The following MAGEA1 variants were observed in gnomAD, a reference collection of about 807,000 sequenced individuals.
MAGEA1 encodes the protein melanoma-associated antigen 1.
For missense variants in MAGEA1, 182 were observed against 233.7 expected (o/e 0.78, Z 1.44); for synonymous variants, 101 against 96.7 (o/e 1.04, Z -0.26).
chrX:153,182,496 C>T lies in MAGEA1; in HGVS notation c.107C>T (p.Ser36Phe). ...VCVQAATSSS[S>F]PLVLGTLEEV... ...GTGCAGGCTGCCACCTCCTCCTCCT[C>T]TCCTCTGGTCCTGGGCACCCTGGAG... The change falls in exon 3 of 3, where the codon TCT (serine) becomes TTT (phenylalanine). Residue 36 changes from serine (S) to phenylalanine (F), a missense_variant. Coordinates refer to ENST00000356661, the MANE Select transcript of MAGEA1 (RefSeq NM_004988.5). 8.3e-7 allele frequency: 1 copy of T among 1,211,477 alleles called. No homozygotes were observed. Among genetic ancestry groups the T allele is most frequent in the Non-Finnish European group, 1.1e-6 (1 of 895,110 alleles).
In MAGEA1 at chrX:153,182,480, G is replaced by A. The variant is rs1191077612; in HGVS notation, c.91G>A (p.Ala31Thr). Residue 31 changes from alanine to threonine, a missense_variant, in exon 3 of 3, where the codon GCC (alanine) becomes ACC (threonine). Coordinates refer to ENST00000356661, the MANE Select transcript of MAGEA1 (RefSeq NM_004988.5). ...CCTGGGCCTGGTGTGTGTGCAGGCT[G>A]CCACCTCCTCCTCCTCTCCTCTGGT... ...EALGLVCVQA[A>T]TSSSSPLVLG... The A allele has an allele frequency of 8.3e-7, 1 of 1,210,828 alleles. No homozygotes were observed. The highest frequency in any genetic ancestry group is 1.1e-6 in the Non-Finnish European group (1 of 894,831).
Position 153,183,324 on chromosome X carries a change from G to A in MAGEA1, c.*5G>A, listed in dbSNP as rs1314438850. On this transcript the variant is annotated 3_prime_UTR_variant, in exon 3 of 3. Transcript: ENST00000356661. The stretch of plus-strand genomic sequence containing the variant: ...GAGGAGGAAGAGGGAGTCTGAGCAT[G>A]AGTTGCAGCCAAGGCCAGTGGGAGG... 2 of 1,199,939 alleles carry A rather than the reference G, an allele frequency of 1.7e-6. No homozygotes were observed. The highest frequency in any genetic ancestry group is 2.2e-6 in the Non-Finnish European group (2 of 889,194).
chrX:153,183,026 G>A lies in MAGEA1; in HGVS notation c.637G>A (p.Glu213Lys), dbSNP rs2051505053. 8.3e-7 allele frequency: 1 copy of A among 1,210,077 alleles called. No individual in the cohort carries two copies. The highest frequency in any genetic ancestry group is 1.7e-5 in the African/African-American group (1 of 57,143). Residue 213 changes from glutamate (E) to lysine (K), a missense_variant, in exon 3 of 3, where the codon GAA becomes AAA. Physicochemically the swap from Glu to Lys is moderately conservative, Grantham distance 56. Coordinates refer to ENST00000356661, the MANE Select transcript of MAGEA1 (RefSeq NM_004988.5). ...AMEGGHAPEEEIWEELSVMEV... is the reference protein window; with the variant it reads ...AMEGGHAPEEKIWEELSVMEV... ...GGAGGGCGGCCATGCTCCTGAGGAGGAAATCTGGGAGGAGCTGAGTGTGAT... is the reference window on the plus strand; with the variant it reads ...GGAGGGCGGCCATGCTCCTGAGGAGAAAATCTGGGAGGAGCTGAGTGTGAT...
intron 1 of MAGEA1, among the ~76,000 whole-genome samples, chrX:153,180,137 G>C (rs2051485175): frequency 9.0e-6 from 1 of 110,862 alleles, no homozygotes; most frequent in Non-Finnish European, 1.9e-5. Flanking sequence ...TGCCAGCCCT[G>C]GACCACCCGG....
chrX:153,182,125 C>T lies in MAGEA1; in HGVS notation c.-138-52C>T. 6 of 524,758 alleles carry T rather than the reference C, an allele frequency of 1.1e-5. No homozygotes were observed. The South Asian group carries it at 1.4e-4, about 12-fold the overall frequency. The allele number at this position is 524,758 out of a possible 1,213,427, so 43.2% of individuals were successfully genotyped here. A position where few individuals can be genotyped will look rare whatever the true frequency, so the allele number is the denominator to read the frequency against. ...CTCCCTACTGTCAGTCCTGTAGAAT[C>T]GACCTCTGCTGGCCGGCTGTACCCT... On this transcript the variant is annotated intron_variant, in intron 1 of 2. Coordinates refer to ENST00000356661, the MANE Select transcript of MAGEA1 (RefSeq NM_004988.5).
In MAGEA1 at chrX:153,183,846, G is replaced by T. The variant is rs1556944326; in HGVS notation, c.*527G>T. ...CCTTGGCTTCTTTGAGAATGTAAGAGAAATTAAATCTGAATAAAGAATTCT... is the reference window on the plus strand; with the variant it reads ...CCTTGGCTTCTTTGAGAATGTAAGATAAATTAAATCTGAATAAAGAATTCT... On this transcript the variant is annotated 3_prime_UTR_variant, in exon 3 of 3. Transcript: ENST00000356661. 8.2e-6 allele frequency: 1 copy of T among 122,611 alleles called. No homozygotes were observed. Among genetic ancestry groups the T allele is most frequent in the Admixed American group, 8.5e-5 (1 of 11,805 alleles). 10.1% of individuals were successfully genotyped at this position (122,611 alleles called of 1,213,427 possible).
chrX:153,181,900 G>A (rs994702988), intron 1 of MAGEA1, among the ~76,000 whole-genome samples: 3 of 111,395 alleles, frequency 2.7e-5, no homozygotes, highest in Admixed American at 9.4e-5. Context: ...CTGTGCTTGC[G>A]GTCTGCACCC....
intron 1 of MAGEA1, 109 bp from the exon 2 acceptor site, chrX:153,182,068 G>A (rs988873938): frequency 3.6e-5 from 12 of 336,628 alleles, no homozygotes; most frequent in Admixed American, 3.1e-4. Context: ...CCTGCCACAG[G>A]ACACATAGGA....
intron 2 of MAGEA1, 27 bp from the exon 3 acceptor site, chrX:153,182,298 C>A: frequency 1.0e-6 from 1 of 983,031 alleles, no homozygotes; most frequent in Non-Finnish European, 1.5e-6. Flanking sequence ...TCAGCTGAGG[C>A]CTCTCACACA....
intron 1 of MAGEA1, among the ~76,000 whole-genome samples, chrX:153,179,973 C>A (rs1401044871): frequency 1.8e-5 from 2 of 109,399 alleles, no homozygotes; most frequent in African/African-American, 6.8e-5. Context: ...CTGAGAGAAG[C>A]CAGGTTCATT....
chrX:153,181,711 C>T (rs1321809787), intron 1 of MAGEA1, among the ~76,000 whole-genome samples: 1 of 111,908 alleles, frequency 8.9e-6, no homozygotes, highest in Non-Finnish European at 1.9e-5. Context: ...TCCTTCCATT[C>T]CTTATCATGG....
At position 153,183,251 on chromosome X, in the gene MAGEA1, G is replaced by C. The variant is rs1459904286; in HGVS notation, c.862G>C (p.Ala288Pro). The change falls in exon 3 of 3, where the codon GCA (alanine) becomes CCA (proline). Residue 288 changes from alanine to proline, a missense_variant. By Grantham distance (27) the Ala-to-Pro change is conservative. Transcript: ENST00000356661. The stretch of plus-strand genomic sequence containing the variant: ...CCTTGAGTATGTGATCAAGGTCAGT[G>C]CAAGAGTTCGCTTTTTCTTCCCATC... ...KVLEYVIKVS[A>P]RVRFFFPSLR... 1 of 1,210,652 alleles carries C rather than the reference G, an allele frequency of 8.3e-7. No individual in the cohort carries two copies. The highest frequency in any genetic ancestry group is 1.7e-5 in the African/African-American group (1 of 57,382).
rs2008160 is a variant in MAGEA1, at chrX:153,182,483, A to G, written c.94A>G (p.Thr32Ala). Reference sequence around the variant, plus strand: ...GGGCCTGGTGTGTGTGCAGGCTGCCACCTCCTCCTCCTCTCCTCTGGTCCT... The same window carrying G: ...GGGCCTGGTGTGTGTGCAGGCTGCCGCCTCCTCCTCCTCTCCTCTGGTCCT... The part of the protein sequence containing the change: ...ALGLVCVQAA[T>A]SSSSPLVLGT... The change falls in exon 3 of 3, where the codon ACC becomes GCC. Residue 32 changes from threonine to alanine, a missense_variant. Physicochemically the swap from Thr to Ala is moderately conservative, Grantham distance 58. Coordinates refer to ENST00000356661, the MANE Select transcript of MAGEA1 (RefSeq NM_004988.5). 0.21 allele frequency: 258,411 copies of G among 1,207,646 alleles called. 22,405 individuals carry two copies. The highest frequency in any genetic ancestry group is 0.62 in the East Asian group (20,855 of 33,608).
In MAGEA1 at chrX:153,182,757, T is replaced by G; in HGVS notation, c.368T>G (p.Val123Gly). Residue 123 changes from valine (V) to glycine (G), a missense_variant, in exon 3 of 3, where the codon GTC becomes GGC. By Grantham distance (109) the Val-to-Gly change is moderately radical. Coordinates refer to ENST00000356661, the MANE Select transcript of MAGEA1 (RefSeq NM_004988.5). ...CTCAAATATCGAGCCAGGGAGCCAG[T>G]CACAAAGGCAGAAATGCTGGAGAGT... ...LLLKYRAREP[V>G]TKAEMLESVI... 8.3e-7 allele frequency: 1 copy of G among 1,211,902 alleles called. No individual in the cohort carries two copies. The highest frequency in any genetic ancestry group is 1.1e-6 in the Non-Finnish European group (1 of 895,527).
intron 1 of MAGEA1, among the ~76,000 whole-genome samples, chrX:153,181,352 C>A (rs965633628): frequency 9.0e-6 from 1 of 111,240 alleles, no homozygotes; most frequent in African/African-American, 3.3e-5. Context: ...GCCATGCGTT[C>A]GGGTGAGGAA....
Position 153,183,456 on chromosome X carries a change from A to G in MAGEA1, c.*137A>G. Reference sequence around the variant, plus strand: ...GAAGAGAGCGGTCAGTGTTCTCAGTAGTAGGTTTCTGTTCTATTGGGTGAC... The same window carrying G: ...GAAGAGAGCGGTCAGTGTTCTCAGTGGTAGGTTTCTGTTCTATTGGGTGAC... On this transcript the variant is annotated 3_prime_UTR_variant, in exon 3 of 3. Coordinates refer to ENST00000356661, the MANE Select transcript of MAGEA1 (RefSeq NM_004988.5). The G allele has an allele frequency of 1.7e-6, 1 of 580,406 alleles. No homozygotes were observed. The highest frequency in any genetic ancestry group is 2.8e-6 in the Non-Finnish European group (1 of 356,467). The allele number at this position is 580,406 out of a possible 1,213,427, so 47.8% of individuals were successfully genotyped here.
chrX:153,183,109 C>T lies in MAGEA1; in HGVS notation c.720C>T (p.Thr240=), dbSNP rs1556944211. ...SAYGEPRKLL[T]QDLVQEKYLE... ...ATGGGGAGCCCAGGAAGCTGCTCAC[C>T]CAAGATTTGGTGCAGGAAAAGTACC... The change falls in exon 3 of 3, where the codon ACC becomes ACT. Residue 240 remains threonine (T), a synonymous_variant. Transcript: ENST00000356661. The T allele has an allele frequency of 1.7e-6, 2 of 1,211,990 alleles. No homozygotes were observed. Among genetic ancestry groups the T allele is most frequent in the Non-Finnish European group, 2.2e-6 (2 of 895,570 alleles).
Position 153,179,600 on chromosome X carries a change from G to A in MAGEA1, c.-139+235G>A, listed in dbSNP as rs781796216. On this transcript the variant is annotated intron_variant, in intron 1 of 2. Coordinates refer to ENST00000356661, the MANE Select transcript of MAGEA1 (RefSeq NM_004988.5). ...CTGGTTAGGAGAGGGCAGGGCACAGGCTCTGCCAGGCATCAAGATCAGCAC... is the reference window on the plus strand; with the variant it reads ...CTGGTTAGGAGAGGGCAGGGCACAGACTCTGCCAGGCATCAAGATCAGCAC... Among the ~76,000 whole-genome samples, 3 of 109,577 alleles carry A rather than the reference G, an allele frequency of 2.7e-5. No homozygotes were observed. The East Asian group carries it at 8.8e-4, about 32-fold the overall frequency.
At chrX:153,180,962 T>C (rs1158219471) in intron 1 of MAGEA1, among the ~76,000 whole-genome samples, 2 of 111,194 alleles carry the variant, frequency 1.8e-5, no homozygotes, top group Non-Finnish European at 3.8e-5. Flanking sequence ...ACAGTCTGGC[T>C]GTCCCCTTTT....
Sources: allele counts gnomAD v4.1 joint callset (sites outside exome capture counted in the v4.1 genomes callset), GRCh38; gene constraint gnomAD v4.1.1; transcripts MANE v1.5; gene names NCBI Gene and HGNC (gene_info 2026-07-23, HGNC 2026-07-21).